ATXN1: variants seen among roughly 807,000 people sequenced by gnomAD.
ATXN1 encodes ataxin-1.
A neutral mutation model predicts 56.4 loss-of-function variants in ATXN1; 8 were observed. The ratio of observed to expected loss-of-function variants is 0.14; its 90% confidence interval spans 0.08 to 0.26. ATXN1 has a LOEUF of 0.26. ATXN1 is among the 10% of genes least tolerant of loss of function. The probability of loss-of-function intolerance (pLI) is 1.00; values close to 1 mark genes in which losing one functional copy is unlikely to be tolerated. For synonymous variants in ATXN1, 514 were observed against 494.6 expected, an observed-to-expected ratio of 1.04 and a Z score of -0.52; for missense variants, 987 against 1,106.5, an observed-to-expected ratio of 0.89 and a Z score of 1.53.
intron 3 of ATXN1, among the ~76,000 whole-genome samples, chr6:16,607,557 T>A (rs1763033774): frequency 6.6e-6 from 1 of 152,128 alleles, no homozygotes; most frequent in Non-Finnish European, 1.5e-5. Context: ...GGGTGGGAAA[T>A]CCAAAGGGAA....
chr6:16,510,801 T>G (rs1180195439), intron 5 of ATXN1, among the ~76,000 whole-genome samples: 1 of 152,116 alleles, frequency 6.6e-6, no homozygotes, highest in East Asian at 1.9e-4. Flanking sequence ...GAAGGTTAAT[T>G]TTACCAACCT....
At chr6:16,601,440 G>A (rs1298400408) in intron 3 of ATXN1, among the ~76,000 whole-genome samples, 1 of 152,148 alleles carries the variant, frequency 6.6e-6, no homozygotes, top group African/African-American at 2.4e-5. Flanking sequence ...GAGGTGGGTG[G>A]GGTCCAGGAT....
Position 16,377,117 on chromosome 6 carries a change from A to T in ATXN1, c.-160-48647T>A, listed in dbSNP as rs371351042. On this transcript the variant is annotated intron_variant, in intron 6 of 7. Coordinates refer to ENST00000436367, the MANE Select transcript of ATXN1 (RefSeq NM_001128164.2). ...TTCCACCATGTGAGGACACACCAAG[A>T]AGGTGTCATCTATGAACCAAAAAAA... 7.9e-5 allele frequency among the ~76,000 whole-genome samples: 12 copies of T among 152,328 alleles called. No homozygotes were observed. In the East Asian group the frequency reaches 2.1e-3, roughly 27 times the overall value.
chr6:16,367,352 TCTCTCTCTCTCA>T (rs891844220), intron 6 of ATXN1, among the ~76,000 whole-genome samples: 5 of 114,178 alleles, frequency 4.4e-5, no homozygotes, highest in African/African-American at 1.5e-4. Context: ...TCTCTCTCTC[TCTCTCTCTCTCA>T]CACACACACA....
At chr6:16,333,351 A>AT (rs1367141465) in intron 6 of ATXN1, among the ~76,000 whole-genome samples, 3 of 152,138 alleles carry the variant, frequency 2.0e-5, no homozygotes. Flanking sequence ...ATTTCGAGAA[A>AT]TTTTTTGCTA....
At chr6:16,466,208 G>C (rs978695416) in intron 6 of ATXN1, among the ~76,000 whole-genome samples, 1 of 151,322 alleles carries the variant, frequency 6.6e-6, no homozygotes, top group Admixed American at 6.6e-5. Context: ...CCAGCTACTA[G>C]GGAGGCTGAG....
At chr6:16,583,784 G>T (rs548600350) in intron 4 of ATXN1, among the ~76,000 whole-genome samples, 83 of 152,234 alleles carry the variant, frequency 5.5e-4, no homozygotes, top group Admixed American at 1.5e-3. Flanking sequence ...TCCAGGACTG[G>T]GATTACTCCA....
chr6:16,314,754 G>T (rs111632785), intron 7 of ATXN1, among the ~76,000 whole-genome samples: 5,111 of 151,886 alleles, frequency 0.034, 211 homozygotes, highest in African/African-American at 0.096. Context: ...TAGCTGGGAG[G>T]CATAAGCCAC....
At chr6:16,320,270 G>GT (rs1760617500) in intron 7 of ATXN1, among the ~76,000 whole-genome samples, 1 of 152,166 alleles carries the variant, frequency 6.6e-6, no homozygotes. Context: ...TAGACAGCCA[G>GT]TAAGTACATC....
intron 6 of ATXN1, among the ~76,000 whole-genome samples, chr6:16,481,478 T>C (rs1354221275): frequency 6.6e-6 from 1 of 152,168 alleles, no homozygotes; most frequent in Admixed American, 6.5e-5. Context: ...ATAATGCTGT[T>C]TACACAGGTA....
chr6:16,327,633 G>GTAC lies in ATXN1; in HGVS notation c.677_678insGTA (p.His226delinsGlnTyr). 6.9e-7 allele frequency: 1 copy of GTAC among 1,450,868 alleles called. No homozygotes were observed. Among genetic ancestry groups the GTAC allele is most frequent in the Non-Finnish European group, 9.4e-7 (1 of 1,063,938 alleles). 89.9% of individuals were successfully genotyped at this position (1,450,868 alleles called of 1,614,324 possible). On this transcript the variant is annotated protein_altering_variant, in exon 7 of 8. Coordinates refer to ENST00000436367, the MANE Select transcript of ATXN1 (RefSeq NM_001128164.2). ...TGATGAGCCCCGGAGCCCTGCTGAG[G>GTAC]TGCTGCTGCTGCTGCTGCTGCTGCT...
chr6:16,408,989 C>G (rs1019116510), intron 6 of ATXN1, among the ~76,000 whole-genome samples: 1 of 152,100 alleles, frequency 6.6e-6, no homozygotes, highest in Non-Finnish European at 1.5e-5. Flanking sequence ...GGTGACTGAA[C>G]AAATAAAAAG....
At chr6:16,550,688 A>AC (rs1395344085) in intron 4 of ATXN1, among the ~76,000 whole-genome samples, 3 of 152,252 alleles carry the variant, frequency 2.0e-5, no homozygotes, top group Admixed American at 6.5e-5. Context: ...CTAATAAACC[A>AC]CAGAGCCAAA....
intron 3 of ATXN1, among the ~76,000 whole-genome samples, chr6:16,617,772 A>AT: frequency 6.8e-6 from 1 of 147,864 alleles, no homozygotes; most frequent in Non-Finnish European, 1.5e-5. Flanking sequence ...GTCTCAAAAA[A>AT]AAAAAAAAAA....
In ATXN1 at chr6:16,326,805, C is replaced by T. The variant is rs759259681; in HGVS notation, c.1506G>A (p.Ser502=). Reference sequence around the variant, plus strand: ...ACGTGACTATGGCCGGGGCTGCCCCCGACGCTTCCATGTCAGTGCTGCCGA... The same window carrying T: ...ACGTGACTATGGCCGGGGCTGCCCCTGACGCTTCCATGTCAGTGCTGCCGA... ...IPVGSTDMEA[S]GAAPAIVTSS... Residue 502 remains serine, a synonymous_variant, in exon 7 of 8, where the codon TCG becomes TCA. Coordinates refer to ENST00000436367, the MANE Select transcript of ATXN1 (RefSeq NM_001128164.2). This position sits in a 1 kb window ranked among gnomAD's most constrained non-coding sequence, Gnocchi z 6.6. 3.9e-5 allele frequency: 62 copies of T among 1,608,374 alleles called. No homozygotes were observed. The highest frequency in any genetic ancestry group is 5.0e-5 in the Non-Finnish European group (59 of 1,176,276).
intron 6 of ATXN1, among the ~76,000 whole-genome samples, chr6:16,349,504 AAAAG>A (rs1186600283): frequency 6.6e-6 from 1 of 151,174 alleles, no homozygotes; most frequent in Non-Finnish European, 1.5e-5. Context: ...TGTGTCTCAA[AAAAG>A]AAAGAAAGAA....
chr6:16,460,573 G>A (rs530885953), intron 6 of ATXN1, among the ~76,000 whole-genome samples: 55 of 152,330 alleles, frequency 3.6e-4, no homozygotes, highest in Middle Eastern at 6.8e-3. Flanking sequence ...AGGGACTGGT[G>A]CTTGAAATAC....
intron 4 of ATXN1, among the ~76,000 whole-genome samples, chr6:16,564,668 T>G (rs575049808): frequency 1.3e-5 from 2 of 152,160 alleles, no homozygotes; most frequent in Admixed American, 1.3e-4. Flanking sequence ...AATCTATATA[T>G]AGAGAAACAG....
intron 4 of ATXN1, among the ~76,000 whole-genome samples, chr6:16,585,374 ATC>A (rs1762603612): frequency 6.6e-6 from 1 of 152,214 alleles, no homozygotes; most frequent in African/African-American, 2.4e-5. Context: ...GTAGAAAAAT[ATC>A]TGTTGCTATG....
Sources: allele counts gnomAD v4.1 joint callset (sites outside exome capture counted in the v4.1 genomes callset), GRCh38; gene constraint gnomAD v4.1.1; non-coding constraint Gnocchi (gnomAD v3.1); transcripts MANE v1.5; gene names NCBI Gene and HGNC (gene_info 2026-07-23, HGNC 2026-07-21).